The following RPS6KC1 variants were observed in gnomAD, a reference collection of about 807,000 sequenced individuals.
RPS6KC1 encodes the protein ribosomal protein S6 kinase C1.
In RPS6KC1, 54 loss-of-function variants were observed where a neutral mutation model predicts 103.8. The ratio of observed to expected loss-of-function variants is 0.52; its 90% CI spans 0.42 to 0.65. The LOEUF (loss-of-function observed/expected upper bound fraction) is 0.65, where lower values mean the gene tolerates loss of function less well. Ranked by LOEUF, RPS6KC1 falls within the 30% of genes least tolerant of loss-of-function variation. The pLI is 0.00. For synonymous variants in RPS6KC1, 439 were observed against 438.7 expected, an observed-to-expected ratio of 1.00 and a Z score of -0.01; for missense variants, 1,151 against 1,253.8, an observed-to-expected ratio of 0.92 and a Z score of 1.24.
the RPS6KC1 span, among the ~76,000 whole-genome samples, chr1:213,532,405 A>C: frequency 6.6e-6 from 1 of 150,538 alleles, no homozygotes; most frequent in Non-Finnish European, 1.5e-5. Flanking sequence ...TTTTCTGTGG[A>C]AAAAAAAGTC....
At chr1:213,052,110 T>G (rs573477494) in intron 1 of RPS6KC1, among the ~76,000 whole-genome samples, 1 of 152,336 alleles carries the variant, frequency 6.6e-6, no homozygotes, top group East Asian at 1.9e-4. Context: ...ATTTTAAAGT[T>G]GGGAGGCTCC....
At chr1:213,245,114 C>G (rs1489508216) in intron 12 of RPS6KC1, among the ~76,000 whole-genome samples, 1 of 152,120 alleles carries the variant, frequency 6.6e-6, no homozygotes, top group Non-Finnish European at 1.5e-5. Context: ...GCTCGTACCC[C>G]TTACTTATAA....
chr1:213,484,161 T>G, the RPS6KC1 span, among the ~76,000 whole-genome samples: 4 of 152,240 alleles, frequency 2.6e-5, no homozygotes, highest in Non-Finnish European at 2.9e-5. Context: ...TTTATCACCA[T>G]CTTCCTAGAA....
At chr1:213,861,959 A>G in the RPS6KC1 span, among the ~76,000 whole-genome samples, 3 of 151,952 alleles carry the variant, frequency 2.0e-5, no homozygotes, top group African/African-American at 4.8e-5. Flanking sequence ...CTCGCACTCC[A>G]TCTCAGAAGC....
the RPS6KC1 span, among the ~76,000 whole-genome samples, chr1:213,695,251 T>C: frequency 6.6e-6 from 1 of 152,238 alleles, no homozygotes; most frequent in Admixed American, 6.5e-5. Context: ...GCACATGTCC[T>C]ACAGTGGCAC....
At chr1:213,422,111 C>T in the RPS6KC1 span, among the ~76,000 whole-genome samples, 2 of 152,142 alleles carry the variant, frequency 1.3e-5, no homozygotes, top group African/African-American at 4.8e-5. Flanking sequence ...CGCCACTGTC[C>T]AGCTCCAGAA....
chr1:213,751,164 C>T, the RPS6KC1 span, among the ~76,000 whole-genome samples: 1 of 152,032 alleles, frequency 6.6e-6, no homozygotes, highest in Non-Finnish European at 1.5e-5. Context: ...GTGTATCTGG[C>T]CCAAAGTGCC....
chr1:213,111,432 C>T (rs1164967332), intron 4 of RPS6KC1, among the ~76,000 whole-genome samples: 1 of 152,280 alleles, frequency 6.6e-6, no homozygotes, highest in East Asian at 1.9e-4. Flanking sequence ...TTTACTGCTA[C>T]ATCCCTCTAG....
chr1:213,747,503 T>A, the RPS6KC1 span, among the ~76,000 whole-genome samples: 1 of 152,220 alleles, frequency 6.6e-6, no homozygotes, highest in African/African-American at 2.4e-5. Context: ...GAAATAGCAC[T>A]GTGGCAAGTT....
At chr1:213,860,069 G>A in the RPS6KC1 span, among the ~76,000 whole-genome samples, 1 of 150,916 alleles carries the variant, frequency 6.6e-6, no homozygotes, top group Non-Finnish European at 1.5e-5. Context: ...GTATTTTAGG[G>A]CCTGACATAG....
the RPS6KC1 span, among the ~76,000 whole-genome samples, chr1:213,739,870 G>C: frequency 6.6e-6 from 1 of 152,110 alleles, no homozygotes; most frequent in South Asian, 2.1e-4. Flanking sequence ...TGTTTCTTAA[G>C]AATATATTCT....
chr1:213,513,357 G>A, the RPS6KC1 span, among the ~76,000 whole-genome samples: 10 of 152,328 alleles, frequency 6.6e-5, no homozygotes, highest in Admixed American at 5.2e-4. Context: ...ATAAATATGT[G>A]TTGTTTTAAG....
chr1:213,527,115 C>G, the RPS6KC1 span, among the ~76,000 whole-genome samples: 6 of 152,118 alleles, frequency 3.9e-5, no homozygotes, highest in Non-Finnish European at 8.8e-5. Flanking sequence ...AGCTCAAAAC[C>G]AAATGAATAT....
chr1:213,289,805 C>T, the RPS6KC1 span, among the ~76,000 whole-genome samples: 9 of 152,094 alleles, frequency 5.9e-5, no homozygotes, highest in Middle Eastern at 3.4e-3. Context: ...TTTGGGAGGG[C>T]GAGGCGGGTG....
intron 1 of RPS6KC1, among the ~76,000 whole-genome samples, chr1:213,053,150 C>T (rs1018625229): frequency 6.6e-6 from 1 of 152,060 alleles, no homozygotes; most frequent in African/African-American, 2.4e-5. Context: ...GTCATTGGGC[C>T]CTTTGAAAAT....
At chr1:213,068,751 C>T (rs981094790) in intron 1 of RPS6KC1, among the ~76,000 whole-genome samples, 1 of 151,764 alleles carries the variant, frequency 6.6e-6, no homozygotes, top group Non-Finnish European at 1.5e-5. Flanking sequence ...GTGGTTCTCA[C>T]TTATAATCCT....
the RPS6KC1 span, among the ~76,000 whole-genome samples, chr1:213,327,661 CAA>C: frequency 6.6e-6 from 1 of 152,052 alleles, no homozygotes; most frequent in African/African-American, 2.4e-5. Flanking sequence ...CAGTATGAGA[CAA>C]GAGGCACTGA....
At chr1:213,697,576 A>G in the RPS6KC1 span, among the ~76,000 whole-genome samples, 1 of 152,198 alleles carries the variant, frequency 6.6e-6, no homozygotes, top group Admixed American at 6.5e-5. Flanking sequence ...TTGAGAAGTC[A>G]AACACCCCAA....
At chr1:213,210,991 G>A (rs925278421) in intron 8 of RPS6KC1, among the ~76,000 whole-genome samples, 6 of 152,222 alleles carry the variant, frequency 3.9e-5, no homozygotes, top group African/African-American at 9.6e-5. Flanking sequence ...CTTATTTTAA[G>A]TGTATTTATA....
Sources: allele counts gnomAD v4.1 joint callset (sites outside exome capture counted in the v4.1 genomes callset), GRCh38; gene constraint gnomAD v4.1.1; transcripts MANE v1.5; gene names NCBI Gene and HGNC (gene_info 2026-07-23, HGNC 2026-07-21).